The following TCF7L2 variants were observed in gnomAD, a reference collection of about 807,000 sequenced individuals.
TCF7L2 encodes the protein transcription factor 7 like 2.
Under a neutral mutation model 77.9 loss-of-function variants are expected in TCF7L2, and 23 were observed. The observed-to-expected ratio is 0.30, with a 90% CI of 0.21 to 0.42. The LOEUF is 0.42. Ranked by LOEUF, TCF7L2 falls within the 10% of genes least tolerant of loss-of-function variation. The pLI is 1.00. For synonymous variants in TCF7L2, 413 were observed against 340.2 expected (o/e 1.21, Z -2.36); for missense variants, 654 against 793.1 (o/e 0.82, Z 2.11).
At chr10:113,126,807 GGGCAGCATCTGGGCGCA>G in intron 5 of TCF7L2, 1 of 986,712 alleles carries the variant, frequency 1.0e-6, no homozygotes, top group Non-Finnish European at 1.2e-6. Context: ...CGCGGGCCCT[GGGCAGCATCTGGGCGCA>G]GGCAGCATGC....
intron 4 of TCF7L2, among the ~76,000 whole-genome samples, chr10:113,013,062 T>A (rs957926099): frequency 6.0e-5 from 9 of 150,852 alleles, no homozygotes; most frequent in African/African-American, 2.2e-4. Context: ...GCAGGGCAAA[T>A]CCAGCAGCTC....
At chr10:113,016,123 G>A (rs2047302197) in intron 4 of TCF7L2, among the ~76,000 whole-genome samples, 2 of 151,908 alleles carry the variant, frequency 1.3e-5, no homozygotes, top group South Asian at 2.1e-4. Context: ...GGAGTGCAGT[G>A]GTGTGATCTC....
At chr10:112,990,910 A>G (rs555916273) in intron 4 of TCF7L2, among the ~76,000 whole-genome samples, 22 of 152,226 alleles carry the variant, frequency 1.4e-4, no homozygotes, top group Non-Finnish European at 2.6e-4. Context: ...AGGCTTTTCA[A>G]TTGGAGACTG....
chr10:113,135,114 A>G (rs2067204934), intron 5 of TCF7L2, among the ~76,000 whole-genome samples: 1 of 152,180 alleles, frequency 6.6e-6, no homozygotes, highest in Admixed American at 6.5e-5. Flanking sequence ...GAGGGGGACT[A>G]AGCAGAGGGA....
intron 5 of TCF7L2, among the ~76,000 whole-genome samples, chr10:113,098,871 G>A (rs997713368): frequency 6.6e-6 from 1 of 152,198 alleles, no homozygotes; most frequent in African/African-American, 2.4e-5. Flanking sequence ...TGCTGCCTTT[G>A]TGTAGTCACT....
At chr10:113,148,253 G>A (rs771625129) in intron 8 of TCF7L2, among the ~76,000 whole-genome samples, 8 of 152,124 alleles carry the variant, frequency 5.3e-5, no homozygotes, top group South Asian at 4.1e-4. Context: ...TTGGAGCTCC[G>A]GGCCCTCAGC....
At chr10:113,105,253 C>T (rs746830501) in intron 5 of TCF7L2, among the ~76,000 whole-genome samples, 4 of 152,102 alleles carry the variant, frequency 2.6e-5, no homozygotes, top group Admixed American at 6.5e-5. Flanking sequence ...TGAGTTGTTG[C>T]CTTTAGGAAG....
intron 4 of TCF7L2, among the ~76,000 whole-genome samples, chr10:113,001,736 A>C (rs766449288): frequency 6.6e-6 from 1 of 152,212 alleles, no homozygotes; most frequent in South Asian, 2.1e-4. Context: ...CGTTGTTTAC[A>C]CGAAGGGAAT....
Position 113,041,728 on chromosome 10 carries a change from T to A in TCF7L2, c.552+1602T>A, listed in dbSNP as rs532233092. On this transcript the variant is annotated intron_variant, in intron 5 of 13. Coordinates refer to ENST00000627217, the MANE Select transcript of TCF7L2 (RefSeq NM_001146274.2). The stretch of plus-strand genomic sequence containing the variant: ...AACAAATATACAGAGATTTTTTTTT[T>A]AAAAAAGTGTGACAGTTCTAGACAC... Among the ~76,000 whole-genome samples the A allele has an allele frequency of 2.4e-3, 365 of 152,050 alleles. 2 individuals carry two copies. Among genetic ancestry groups the A allele is most frequent in the South Asian group, 7.9e-3 (38 of 4,810 alleles).
At chr10:113,084,390 G>C (rs2059611506) in intron 5 of TCF7L2, among the ~76,000 whole-genome samples, 2 of 152,210 alleles carry the variant, frequency 1.3e-5, no homozygotes, top group South Asian at 4.1e-4. Flanking sequence ...CAAGCCCGAA[G>C]GCAGTTACTC....
chr10:112,975,309 C>T (rs1016678118), intron 4 of TCF7L2, among the ~76,000 whole-genome samples: 3 of 151,998 alleles, frequency 2.0e-5, no homozygotes, highest in Admixed American at 6.6e-5. Flanking sequence ...GATTGAGGCT[C>T]GGTCTGGAAA....
At position 113,089,687 on chromosome 10, in the gene TCF7L2, G is replaced by A. The variant is rs2060172563; in HGVS notation, c.552+49561G>A. 2.8e-6 allele frequency: 3 copies of A among 1,080,506 alleles called. No homozygotes were observed. In the South Asian group the frequency reaches 5.3e-5, roughly 19 times the overall value. The allele number at this position is 1,080,506 out of a possible 1,614,324, so 66.9% of individuals were successfully genotyped here. A position where few individuals can be genotyped will look rare whatever the true frequency, so the allele number is the denominator to read the frequency against. ...TCACTGTCATTTTGGGTGCCATGATGTCTGGGTGTGCTGACCGCTGATAGG... is the reference window on the plus strand; with the variant it reads ...TCACTGTCATTTTGGGTGCCATGATATCTGGGTGTGCTGACCGCTGATAGG... On this transcript the variant is annotated intron_variant, in intron 5 of 13. Transcript: ENST00000627217.
At chr10:113,017,251 TG>T (rs1276590000) in intron 4 of TCF7L2, among the ~76,000 whole-genome samples, 2 of 152,230 alleles carry the variant, frequency 1.3e-5, no homozygotes, top group Non-Finnish European at 2.9e-5. Flanking sequence ...CAGTAATATC[TG>T]GGGCAGAGCC....
chr10:113,144,857 G>A (rs2069046309), intron 7 of TCF7L2, among the ~76,000 whole-genome samples: 2 of 152,170 alleles, frequency 1.3e-5, no homozygotes. Flanking sequence ...CAGGTTGTGT[G>A]TATGTATATT....
chr10:112,964,811 G>A lies in TCF7L2; in HGVS notation c.450+187G>A, dbSNP rs867740246. Reference sequence around the variant, plus strand: ...GGTGGTGATGGTGGTGGTGGTGGTGGTGGGGGGGGGTTGAATCACTGGGGG... The same window carrying A: ...GGTGGTGATGGTGGTGGTGGTGGTGATGGGGGGGGGTTGAATCACTGGGGG... On this transcript the variant is annotated intron_variant, in intron 4 of 13. Transcript: ENST00000627217. 3.7e-3 allele frequency among the ~76,000 whole-genome samples: 325 copies of A among 87,926 alleles called. No homozygotes were observed. Among genetic ancestry groups the A allele is most frequent in the East Asian group, 0.021 (30 of 1,398 alleles). The allele number at this position is 87,926 out of a possible 152,430, so 57.7% of individuals were successfully genotyped here.
At chr10:113,145,929 A>C in intron 7 of TCF7L2, 82 bp from the exon 8 acceptor site, 1 of 1,174,182 alleles carries the variant, frequency 8.5e-7, no homozygotes, top group South Asian at 1.3e-5. Flanking sequence ...CTGTGCAGAG[A>C]GAACTTTTCC....
chr10:113,152,765 C>T (rs998443841), intron 11 of TCF7L2, among the ~76,000 whole-genome samples: 1 of 152,160 alleles, frequency 6.6e-6, no homozygotes, highest in Non-Finnish European at 1.5e-5. Context: ...ACCCAAAGGA[C>T]CTTATGTTCC....
intron 5 of TCF7L2, among the ~76,000 whole-genome samples, chr10:113,046,503 A>C (rs1470359082): frequency 1.3e-5 from 2 of 152,078 alleles, no homozygotes; most frequent in Non-Finnish European, 2.9e-5. Context: ...TCAACTCCTT[A>C]ATTCATGTTT....
chr10:112,971,805 G>A (rs1397990359), intron 4 of TCF7L2, among the ~76,000 whole-genome samples: 3 of 151,220 alleles, frequency 2.0e-5, no homozygotes, highest in Non-Finnish European at 4.4e-5. Flanking sequence ...TAGAGACGAG[G>A]TCTCACCATG....
Sources: gnomAD v4.1 joint callset for allele counts (sites outside exome capture counted in the v4.1 genomes callset) on GRCh38, gnomAD v4.1.1 for gene constraint, MANE v1.5 for transcripts, NCBI Gene and HGNC (gene_info 2026-07-23, HGNC 2026-07-21) for gene names.